Variants in TENM2 observed in about 807,000 individuals in gnomAD.
The protein encoded by TENM2 is teneurin-2.
A neutral mutation model predicts 245.2 loss-of-function variants in TENM2; 52 were observed. The observed-to-expected ratio is 0.21, with a 90% CI of 0.17 to 0.27. The LOEUF is 0.27. Among genes scored for constraint, TENM2 ranks in the 10% least tolerant of loss-of-function variants. TENM2 has a pLI of 1.00. For synonymous variants in TENM2, 1,363 were observed against 1,438.9 expected (o/e 0.95, Z 1.19); for missense variants, 3,046 against 3,666.8 (o/e 0.83, Z 4.37).
In TENM2 at chr5:168,162,661, A is replaced by G. The variant is rs764938715; in HGVS notation, c.2473A>G (p.Asn825Asp). The G allele has an allele frequency of 6.2e-7, 1 of 1,614,020 alleles. No homozygotes were observed. The highest frequency in any genetic ancestry group is 1.7e-5 in the Admixed American group (1 of 60,032). The change falls in exon 13 of 29, where the codon AAC becomes GAC. Residue 825 changes from asparagine to aspartate, a missense_variant. By Grantham distance (23) the Asn-to-Asp change is conservative (BLOSUM62 1). This residue lies in a region of TENM2 where 2,704 missense variants were observed against 3,331.9 expected (regional missense o/e 0.81). Coordinates refer to ENST00000518659, the Ensembl canonical transcript of TENM2. ...TAACGGGAGATGCACACTGGGTCAG[A>G]ACAGCTGGCAGTGTGTCTGCCAGAC...
At chr5:167,395,721 C>A (rs767215192) in intron 2 of TENM2, among the ~76,000 whole-genome samples, 1 of 152,030 alleles carries the variant, frequency 6.6e-6, no homozygotes, top group East Asian at 1.9e-4. Context: ...TTGAATGATG[C>A]CATTTTGTTT....
intron 25 of TENM2, among the ~76,000 whole-genome samples, chr5:168,230,316 G>C (rs961878867): frequency 1.3e-5 from 2 of 152,224 alleles, no homozygotes; most frequent in African/African-American, 4.8e-5. Flanking sequence ...AACAGGTTGA[G>C]TGGACTGAAA....
At chr5:167,463,265 G>T (rs1489150970) in intron 2 of TENM2, among the ~76,000 whole-genome samples, 1 of 152,086 alleles carries the variant, frequency 6.6e-6, no homozygotes, top group Non-Finnish European at 1.5e-5. Context: ...ATAGTCATTA[G>T]ACTAGTCTAA....
At chr5:167,924,985 T>C (rs248142) in intron 3 of TENM2, among the ~76,000 whole-genome samples, 15,624 of 152,198 alleles carry the variant, frequency 0.1, 813 homozygotes, top group Middle Eastern at 0.15. Context: ...GACATTCTCT[T>C]ATACAGTTAA....
intron 2 of TENM2, among the ~76,000 whole-genome samples, chr5:167,692,316 A>G (rs938681544): frequency 6.6e-6 from 1 of 152,204 alleles, no homozygotes; most frequent in Non-Finnish European, 1.5e-5. Flanking sequence ...AACTTAGTAA[A>G]TTAGTTCCTA....
At chr5:167,897,891 T>G (rs1376972036) in intron 3 of TENM2, among the ~76,000 whole-genome samples, 1 of 13,908 alleles carries the variant, frequency 7.2e-5, no homozygotes, top group Admixed American at 2.0e-3. Flanking sequence ...TAGTAAATTG[T>G]TTTTTTTTTT....
intron 2 of TENM2, among the ~76,000 whole-genome samples, chr5:167,508,102 AC>A (rs1300855032): frequency 3.3e-5 from 5 of 152,294 alleles, no homozygotes; most frequent in African/African-American, 1.2e-4. Context: ...CTATTGAAGC[AC>A]CCAGCCAGTT....
intron 12 of TENM2, among the ~76,000 whole-genome samples, chr5:168,144,836 C>T (rs1039746603): frequency 6.6e-6 from 1 of 151,580 alleles, no homozygotes; most frequent in African/African-American, 2.4e-5. Flanking sequence ...TCCTCTCCAG[C>T]ACCTGTTGTT....
chr5:167,337,816 T>C (rs1258200266), intron 1 of TENM2, among the ~76,000 whole-genome samples: 1 of 152,216 alleles, frequency 6.6e-6, no homozygotes, highest in Non-Finnish European at 1.5e-5. Flanking sequence ...GTTGAGATTA[T>C]AAAAGGTTCA....
the TENM2 span, among the ~76,000 whole-genome samples, chr5:167,225,391 C>G: frequency 1.3e-5 from 2 of 151,980 alleles, no homozygotes; most frequent in African/African-American, 2.4e-5. Flanking sequence ...TGTGTTTTGT[C>G]AAATGCTTTT....
At chr5:167,466,381 A>G (rs1766653499) in intron 2 of TENM2, among the ~76,000 whole-genome samples, 1 of 152,228 alleles carries the variant, frequency 6.6e-6, no homozygotes. Flanking sequence ...AGCTAACCTC[A>G]TAGTCCTACA....
chr5:167,322,351 C>A (rs1756812082), intron 1 of TENM2, among the ~76,000 whole-genome samples: 1 of 152,060 alleles, frequency 6.6e-6, no homozygotes, highest in Non-Finnish European at 1.5e-5. Context: ...CCCTGTTAGC[C>A]ACCCATACCG....
intron 3 of TENM2, among the ~76,000 whole-genome samples, chr5:167,944,201 T>C (rs896454710): frequency 6.6e-6 from 1 of 152,132 alleles, no homozygotes; most frequent in African/African-American, 2.4e-5. Flanking sequence ...GCTATTAAGC[T>C]CTTAACCCAA....
At chr5:168,125,277 G>C (rs918310420) in intron 11 of TENM2, among the ~76,000 whole-genome samples, 13 of 152,142 alleles carry the variant, frequency 8.5e-5, no homozygotes, top group African/African-American at 2.9e-4. Flanking sequence ...AATGCATGAG[G>C]AGCCCAGGAG....
At chr5:167,599,391 G>A (rs2127724022) in intron 2 of TENM2, among the ~76,000 whole-genome samples, 1 of 152,158 alleles carries the variant, frequency 6.6e-6, no homozygotes, top group Non-Finnish European at 1.5e-5. Context: ...TAATGTTTCA[G>A]AGTTAAAAAT....
At chr5:167,552,101 C>G (rs560802031) in intron 2 of TENM2, among the ~76,000 whole-genome samples, 146 of 152,272 alleles carry the variant, frequency 9.6e-4, no homozygotes, top group Non-Finnish European at 1.9e-3. Context: ...TCTCAAGTGT[C>G]CTGAAAAGTA....
At chr5:167,311,608 A>T (rs1343294256) in intron 1 of TENM2, among the ~76,000 whole-genome samples, 3 of 152,106 alleles carry the variant, frequency 2.0e-5, no homozygotes, top group African/African-American at 7.2e-5. Flanking sequence ...TGCGTTTTTC[A>T]TATTATAATA....
In TENM2 at chr5:167,529,638, C is replaced by T. The variant is rs543461713; in HGVS notation, c.502+154165C>T. Among the ~76,000 whole-genome samples, 7 of 152,306 alleles carry T rather than the reference C, an allele frequency of 4.6e-5. No homozygotes were observed. The East Asian group carries it at 1.4e-3, about 29-fold the overall frequency. The stretch of plus-strand genomic sequence containing the variant: ...AAAACAGTGAAGTCACGTGTATGCT[C>T]ACTTAGACAGTTAATGGGGTTCTGT... On this transcript the variant is annotated intron_variant, in intron 2 of 28. Coordinates refer to ENST00000518659, the Ensembl canonical transcript of TENM2.
At chr5:168,019,189 C>A (rs540098819) in intron 5 of TENM2, among the ~76,000 whole-genome samples, 4 of 152,230 alleles carry the variant, frequency 2.6e-5, no homozygotes, top group African/African-American at 9.6e-5. Flanking sequence ...ATACAAGGAT[C>A]TAGGGTATTG....
Sources: allele counts gnomAD v4.1 joint callset (sites outside exome capture counted in the v4.1 genomes callset), GRCh38; gene constraint gnomAD v4.1.1; regional missense constraint gnomAD v4.1.1; transcripts MANE v1.5; gene names NCBI Gene and HGNC (gene_info 2026-07-23, HGNC 2026-07-21).